LRP1B: variants seen among roughly 807,000 people sequenced by gnomAD.
LRP1B encodes LDL receptor related protein 1B, also known as low-density lipoprotein receptor-related protein 1B.
Under a neutral mutation model 556.6 loss-of-function variants are expected in LRP1B, and 217 were observed. That is an observed-to-expected ratio of 0.39 (90% CI 0.35 to 0.44). The LOEUF is 0.44. Ranked by LOEUF, LRP1B falls within the 20% of genes least tolerant of loss-of-function variation. The pLI, the probability that LRP1B is intolerant of heterozygous loss-of-function variation, is 1.00. For synonymous variants in LRP1B, 2,047 were observed against 1,865.8 expected (o/e 1.10, Z -2.50); for missense variants, 5,053 against 5,620.8 (o/e 0.90, Z 3.23).
intron 83 of LRP1B, among the ~76,000 whole-genome samples, chr2:140,312,364 C>T (rs1352624729): frequency 2.0e-5 from 3 of 151,870 alleles, no homozygotes; most frequent in Non-Finnish European, 2.9e-5. Flanking sequence ...TCCTCTAAAT[C>T]AACTGGGTAG....
chr2:141,456,145 AGC>A (rs1681620714), intron 3 of LRP1B, among the ~76,000 whole-genome samples: 1 of 152,190 alleles, frequency 6.6e-6, no homozygotes, highest in Admixed American at 6.5e-5. Flanking sequence ...CCAGTACTAT[AGC>A]GTTTTCCCTT....
rs769739604 is a variant in LRP1B, at chr2:140,501,705, G to C, written c.8832C>G (p.Asp2944Glu). 3.1e-6 allele frequency: 5 copies of C among 1,610,320 alleles called. No individual in the cohort carries two copies. In the Admixed American group the frequency reaches 6.7e-5, roughly 22 times the overall value. Residue 2944 changes from aspartate (D) to glutamate (E), a missense_variant, in exon 55 of 91, where the codon GAC becomes GAG. Transcript: ENST00000389484. ...KVSGCSQDCQ[D>E]LPVSYKCKCW... The stretch of plus-strand genomic sequence containing the variant: ...TACCTACCTTATAACTGACCGGAAG[G>C]TCTTGACAGTCTTGAGAACATCCAC...
chr2:140,892,249 A>C (rs2105203733), intron 23 of LRP1B, among the ~76,000 whole-genome samples: 1 of 152,326 alleles, frequency 6.6e-6, no homozygotes, highest in South Asian at 2.1e-4. Context: ...AAGTGACAGA[A>C]GCAGACAAAC....
intron 23 of LRP1B, among the ~76,000 whole-genome samples, chr2:140,897,871 G>A (rs960865707): frequency 1.3e-5 from 2 of 152,068 alleles, no homozygotes; most frequent in Non-Finnish European, 2.9e-5. Flanking sequence ...CTGGTTTCCG[G>A]GCTCCTCAGC....
chr2:141,060,533 T>C (rs1699306191), intron 8 of LRP1B, among the ~76,000 whole-genome samples: 1 of 151,780 alleles, frequency 6.6e-6, no homozygotes, highest in Admixed American at 6.6e-5. Context: ...TTGCCATTAG[T>C]CTCGTGCATG....
At chr2:142,093,052 A>T (rs1706228642) in intron 1 of LRP1B, among the ~76,000 whole-genome samples, 1 of 151,930 alleles carries the variant, frequency 6.6e-6, no homozygotes, top group Admixed American at 6.6e-5. Flanking sequence ...AGTACCTCCA[A>T]AGTCTCCTGT....
At chr2:140,368,726 G>C (rs1360512776) in intron 71 of LRP1B, among the ~76,000 whole-genome samples, 1 of 151,718 alleles carries the variant, frequency 6.6e-6, no homozygotes, top group Admixed American at 6.6e-5. Flanking sequence ...ATCCTGATTG[G>C]AAATGAATAG....
At position 140,933,330 on chromosome 2, in the gene LRP1B, T is replaced by C. The variant is rs555879243; in HGVS notation, c.3137-10183A>G. Reference sequence around the variant, plus strand: ...AAAGGCAGCACTTTATCCCATTGCTTATTTCTTTATTATCACAAAAGCAGG... The same window carrying C: ...AAAGGCAGCACTTTATCCCATTGCTCATTTCTTTATTATCACAAAAGCAGG... On this transcript the variant is annotated intron_variant, in intron 20 of 90. Coordinates refer to ENST00000389484, the MANE Select transcript of LRP1B (RefSeq NM_018557.3). 2.6e-4 allele frequency among the ~76,000 whole-genome samples: 40 copies of C among 152,220 alleles called. No homozygotes were observed. The South Asian group carries it at 8.3e-3, about 32-fold the overall frequency.
At chr2:141,772,160 C>A (rs1023030478) in intron 2 of LRP1B, among the ~76,000 whole-genome samples, 7 of 152,072 alleles carry the variant, frequency 4.6e-5, no homozygotes, top group African/African-American at 1.7e-4. Flanking sequence ...GTCAGCAAAC[C>A]GGGAAGAGGG....
chr2:141,394,322 T>C (rs1345373928), intron 3 of LRP1B, among the ~76,000 whole-genome samples: 1 of 152,126 alleles, frequency 6.6e-6, no homozygotes, highest in African/African-American at 2.4e-5. Context: ...TAAGAGATTA[T>C]GAAAAATGGG....
At chr2:140,651,314 G>C (rs1684672933) in intron 41 of LRP1B, among the ~76,000 whole-genome samples, 1 of 123,054 alleles carries the variant, frequency 8.1e-6, no homozygotes, top group South Asian at 2.7e-4. Flanking sequence ...AGATCACATG[G>C]ACACAGGGAG....
chr2:141,471,281 T>TGTTTTTGTTTTCG (rs747787803), intron 3 of LRP1B, among the ~76,000 whole-genome samples: 2 of 81,764 alleles, frequency 2.4e-5, no homozygotes, highest in African/African-American at 9.8e-5. Flanking sequence ...TTTTTTTTTT[T>TGTTTTTGTTTTCG]TTTTTTTTTT....
chr2:141,969,583 G>T (rs937011200), intron 1 of LRP1B, among the ~76,000 whole-genome samples: 2 of 151,470 alleles, frequency 1.3e-5, no homozygotes, highest in Admixed American at 6.6e-5. Context: ...ACAAATAAAA[G>T]AATCCTTTTT....
At chr2:140,665,499 T>C (rs1273381596) in intron 41 of LRP1B, among the ~76,000 whole-genome samples, 1 of 152,220 alleles carries the variant, frequency 6.6e-6, no homozygotes, top group Non-Finnish European at 1.5e-5. Context: ...AATAATTAAA[T>C]ATGTTCCTAA....
Position 140,950,121 on chromosome 2 carries a change from TA to T in LRP1B, c.3136+113del. On this transcript the variant is annotated intron_variant, in intron 20 of 90. Coordinates refer to ENST00000389484, the MANE Select transcript of LRP1B (RefSeq NM_018557.3). The stretch of plus-strand genomic sequence containing the variant: ...ATGATTTTACACAGTTCCACATGTA[TA>T]TTCTTGCCTAATAAGCAATTTCTTT... 3 of 705,976 alleles carry T rather than the reference TA, an allele frequency of 4.2e-6. No individual in the cohort carries two copies. In the East Asian group the frequency reaches 9.0e-5, roughly 21 times the overall value. The allele number at this position is 705,976 out of a possible 1,614,324, so 43.7% of individuals were successfully genotyped here. A position where few individuals can be genotyped will look rare whatever the true frequency, so the allele number is the denominator to read the frequency against.
intron 35 of LRP1B, among the ~76,000 whole-genome samples, chr2:140,747,406 T>G (rs1270869576): frequency 2.6e-5 from 4 of 152,168 alleles, no homozygotes; most frequent in African/African-American, 9.6e-5. Flanking sequence ...CTTTTTCACA[T>G]GTCAGTTGAA....
intron 11 of LRP1B, among the ~76,000 whole-genome samples, chr2:141,047,406 T>G (rs920702275): frequency 6.6e-6 from 1 of 152,140 alleles, no homozygotes; most frequent in Non-Finnish European, 1.5e-5. Context: ...TTGTGTTGAA[T>G]GAAGAATATT....
chr2:141,114,192 T>G (rs1000353982), intron 7 of LRP1B, among the ~76,000 whole-genome samples: 1 of 152,220 alleles, frequency 6.6e-6, no homozygotes, highest in Non-Finnish European at 1.5e-5. Flanking sequence ...GGCAACCTCT[T>G]TTGGGCTCTG....
intron 43 of LRP1B, among the ~76,000 whole-genome samples, chr2:140,583,325 C>T (rs765982326): frequency 6.6e-6 from 1 of 151,726 alleles, no homozygotes; most frequent in Non-Finnish European, 1.5e-5. Flanking sequence ...CAGGCGAGCA[C>T]CACCACATCC....
Sources: allele counts gnomAD v4.1 joint callset (sites outside exome capture counted in the v4.1 genomes callset), GRCh38; gene constraint gnomAD v4.1.1; transcripts MANE v1.5; gene names NCBI Gene and HGNC (gene_info 2026-07-23, HGNC 2026-07-21).